RALYL: variants seen among roughly 807,000 people sequenced by gnomAD.
RALYL encodes the protein RNA-binding Raly-like protein.
A neutral mutation model predicts 35.1 loss-of-function variants in RALYL; 29 were observed. That is an observed-to-expected ratio of 0.83 (90% CI 0.61 to 1.13). RALYL has a LOEUF of 1.13. Among genes scored for constraint, RALYL ranks in the 50% most tolerant of loss-of-function variants. RALYL has a pLI of 0.00. For missense variants in RALYL, 359 were observed against 360.4 expected (o/e 1.00, Z 0.03); for synonymous variants, 120 against 127.6 (o/e 0.94, Z 0.40).
chr8:84,870,449 G>T (rs962924556), intron 6 of RALYL, among the ~76,000 whole-genome samples: 2 of 151,062 alleles, frequency 1.3e-5, no homozygotes, highest in Non-Finnish European at 3.0e-5. Flanking sequence ...GTAGAGACGG[G>T]GTTTTACCAT....
chr8:84,237,479 T>C (rs1165653612), intron 1 of RALYL, among the ~76,000 whole-genome samples: 1 of 152,108 alleles, frequency 6.6e-6, no homozygotes, highest in African/African-American at 2.4e-5. Context: ...AAGAAAGGAA[T>C]GAGTATCTGA....
At chr8:84,887,541 G>A in intron 7 of RALYL, 63 bp from the exon 8 acceptor site, 1 of 1,453,956 alleles carries the variant, frequency 6.9e-7, no homozygotes. Flanking sequence ...GTTTTTTCAT[G>A]GTTTATCCAA....
chr8:84,647,304 C>A (rs1827700276), intron 2 of RALYL, among the ~76,000 whole-genome samples: 1 of 151,996 alleles, frequency 6.6e-6, no homozygotes, highest in South Asian at 2.1e-4. Flanking sequence ...GCATCTCTGG[C>A]ATGTTTGCGG....
chr8:84,607,193 T>G (rs2130826509), intron 2 of RALYL, among the ~76,000 whole-genome samples: 1 of 152,196 alleles, frequency 6.6e-6, no homozygotes, highest in East Asian at 1.9e-4. Flanking sequence ...TCTTCCTGCT[T>G]CTTTCTCCCA....
intron 2 of RALYL, among the ~76,000 whole-genome samples, chr8:84,656,226 T>C (rs114632420): frequency 0.011 from 1,650 of 152,288 alleles, 29 homozygotes; most frequent in African/African-American, 0.038. Context: ...AGTTATACCA[T>C]GTGTCTTTGT....
At chr8:84,193,326 G>A (rs191672197) in intron 1 of RALYL, among the ~76,000 whole-genome samples, 171 of 152,248 alleles carry the variant, frequency 1.1e-3, no homozygotes, top group African/African-American at 3.8e-3. Flanking sequence ...ATAATAGAAA[G>A]GAAAATAATT....
chr8:84,491,040 C>T (rs746433240), intron 1 of RALYL, among the ~76,000 whole-genome samples: 2 of 151,798 alleles, frequency 1.3e-5, no homozygotes, highest in Admixed American at 1.3e-4. Context: ...CGGGGAAGAA[C>T]GTTTTTTGCC....
At chr8:84,331,655 A>C (rs974177957) in intron 1 of RALYL, among the ~76,000 whole-genome samples, 2 of 152,074 alleles carry the variant, frequency 1.3e-5, no homozygotes, top group African/African-American at 4.8e-5. Flanking sequence ...GGTCTATATA[A>C]ATTAGTTTTT....
At chr8:84,206,981 C>T (rs902614995) in intron 1 of RALYL, among the ~76,000 whole-genome samples, 5 of 152,022 alleles carry the variant, frequency 3.3e-5, no homozygotes, top group Non-Finnish European at 5.9e-5. Flanking sequence ...TATCACCTCA[C>T]CTATTAAGAT....
chr8:84,518,642 ATTGTAGCACGTTTAT>A (rs1196172103), intron 1 of RALYL, among the ~76,000 whole-genome samples: 1 of 152,172 alleles, frequency 6.6e-6, no homozygotes, highest in Non-Finnish European at 1.5e-5. Context: ...CATTGCATCT[ATTGTAGCACGTTTAT>A]TTTTATCTTA....
intron 2 of RALYL, among the ~76,000 whole-genome samples, chr8:84,676,394 G>A (rs1834198913): frequency 6.6e-6 from 1 of 152,194 alleles, no homozygotes; most frequent in Admixed American, 6.5e-5. Flanking sequence ...AAGCTTGATT[G>A]TAGGCATAAC....
chr8:84,752,367 G>T (rs1810284853), intron 2 of RALYL, among the ~76,000 whole-genome samples: 1 of 152,124 alleles, frequency 6.6e-6, no homozygotes, highest in Non-Finnish European at 1.5e-5. Context: ...CCTGAAACTG[G>T]AACTTATATT....
chr8:84,400,887 G>T (rs985585031), intron 1 of RALYL, among the ~76,000 whole-genome samples: 1 of 152,158 alleles, frequency 6.6e-6, no homozygotes, highest in African/African-American at 2.4e-5. Flanking sequence ...ATTTAATAAG[G>T]AAATACATTT....
chr8:84,447,680 T>G lies in RALYL; in HGVS notation c.-23-81619T>G, dbSNP rs2048998255. Among the ~76,000 whole-genome samples, 3 of 152,044 alleles carry G rather than the reference T, an allele frequency of 2.0e-5. No homozygotes were observed. The South Asian group carries it at 6.2e-4, about 31-fold the overall frequency. On this transcript the variant is annotated intron_variant, in intron 1 of 8. Coordinates refer to ENST00000521268, the MANE Select transcript of RALYL (RefSeq NM_173848.7). ...ATTACATTCTCGTTGCTTCAAGAAA[T>G]TTGTGATTGAATGAGGACACTTTGT...
intron 8 of RALYL, among the ~76,000 whole-genome samples, chr8:84,896,822 C>A (rs1196905590): frequency 6.6e-6 from 1 of 152,208 alleles, no homozygotes; most frequent in African/African-American, 2.4e-5. Flanking sequence ...AATTGGAATG[C>A]AATACAACCT....
chr8:84,492,851 T>A (rs1234450414), intron 1 of RALYL, among the ~76,000 whole-genome samples: 1 of 152,112 alleles, frequency 6.6e-6, no homozygotes, highest in Admixed American at 6.6e-5. Context: ...AAGAGTCCCA[T>A]TATTTTACAT....
chr8:84,800,632 T>A (rs1176153945), intron 3 of RALYL, among the ~76,000 whole-genome samples: 1 of 100,942 alleles, frequency 9.9e-6, no homozygotes, highest in East Asian at 3.6e-4. Context: ...GAAAAGTAAA[T>A]CTTAGGAAAG....
chr8:84,894,561 A>C (rs1427061), intron 8 of RALYL, among the ~76,000 whole-genome samples: 69,637 of 152,034 alleles, frequency 0.46, 18,968 homozygotes, highest in African/African-American at 0.75. Flanking sequence ...AGCCATGGTG[A>C]ATGTGTCCTG....
chr8:84,544,226 A>G (rs911162399), intron 2 of RALYL, among the ~76,000 whole-genome samples: 6 of 152,050 alleles, frequency 3.9e-5, no homozygotes, highest in Non-Finnish European at 5.9e-5. Flanking sequence ...TTTTACAACC[A>G]TATATGATAC....
Sources: allele counts gnomAD v4.1 joint callset (sites outside exome capture counted in the v4.1 genomes callset), GRCh38; gene constraint gnomAD v4.1.1; transcripts MANE v1.5; gene names NCBI Gene and HGNC (gene_info 2026-07-23, HGNC 2026-07-21).